The following CACNB2 variants were observed in gnomAD, a reference collection of about 807,000 sequenced individuals.
CACNB2 encodes the protein calcium voltage-gated channel auxiliary subunit beta 2, also known as voltage-dependent L-type calcium channel subunit beta-2.
Under a neutral mutation model 73.3 loss-of-function variants are expected in CACNB2, and 42 were observed. That is an observed-to-expected ratio of 0.57 (90% confidence interval 0.45 to 0.74). CACNB2 has a LOEUF of 0.74. CACNB2 is among the 30% of genes least tolerant of loss of function. The pLI, the probability that CACNB2 is intolerant of heterozygous loss-of-function variation, is 0.00. For missense variants in CACNB2, 940 were observed against 853.0 expected (o/e 1.10, Z -1.27); for synonymous variants, 348 against 310.3 (o/e 1.12, Z -1.28).
At chr10:18,534,423 T>C (rs562406233) in intron 11 of CACNB2, among the ~76,000 whole-genome samples, 196 bp downstream of exon 11, 76 of 152,340 alleles carry the variant, frequency 5.0e-4, no homozygotes, top group African/African-American at 1.8e-3. Flanking sequence ...GGTCCATGGA[T>C]CCCTGGAGAG....
chr10:18,196,897 G>A (rs754434738), intron 2 of CACNB2, among the ~76,000 whole-genome samples: 13 of 152,140 alleles, frequency 8.5e-5, no homozygotes, highest in Non-Finnish European at 1.0e-4. Context: ...ATTTTTCAGT[G>A]TCTTTTGATC....
chr10:18,536,020 C>T (rs2053537592), intron 11 of CACNB2, 81 bp from the exon 12 acceptor site: 2 of 815,364 alleles, frequency 2.5e-6, no homozygotes, highest in East Asian at 2.6e-5. Context: ...AAAAAGGCCC[C>T]AGAGAAAGGA....
intron 2 of CACNB2, among the ~76,000 whole-genome samples, chr10:18,296,482 G>A (rs895094977): frequency 3.3e-5 from 5 of 152,034 alleles, no homozygotes; most frequent in African/African-American, 1.2e-4. Context: ...AAATTAATAA[G>A]CATATAGATA....
At chr10:18,298,293 C>T (rs575428090) in intron 2 of CACNB2, among the ~76,000 whole-genome samples, 6 of 151,572 alleles carry the variant, frequency 4.0e-5, no homozygotes, top group Non-Finnish European at 5.9e-5. Context: ...CACCTGAATC[C>T]GGTGGGGCGG....
intron 3 of CACNB2, among the ~76,000 whole-genome samples, chr10:18,471,626 G>A (rs990840385): frequency 6.6e-6 from 1 of 152,114 alleles, no homozygotes; most frequent in Non-Finnish European, 1.5e-5. Context: ...AAATTATGGG[G>A]CAGTGGAGTT....
At chr10:18,531,255 T>TTTTG (rs1206163720) in intron 10 of CACNB2, among the ~76,000 whole-genome samples, 1 of 151,904 alleles carries the variant, frequency 6.6e-6, no homozygotes, top group East Asian at 1.9e-4. Context: ...AACTTCTGTT[T>TTTTG]TTTGTTTTTT....
At chr10:18,475,580 C>T (rs1255314920) in intron 3 of CACNB2, among the ~76,000 whole-genome samples, 1 of 152,142 alleles carries the variant, frequency 6.6e-6, no homozygotes, top group African/African-American at 2.4e-5. Flanking sequence ...AGATATGGCT[C>T]CACTTATTGA....
At chr10:18,318,986 T>C (rs924203167) in intron 2 of CACNB2, among the ~76,000 whole-genome samples, 1 of 152,226 alleles carries the variant, frequency 6.6e-6, no homozygotes, top group African/African-American at 2.4e-5. Flanking sequence ...GGAATGCTTT[T>C]ACACTGTTGG....
At chr10:18,155,863 TGA>T (rs143351854) in intron 2 of CACNB2, among the ~76,000 whole-genome samples, 25,175 of 139,776 alleles carry the variant, frequency 0.18, 2,164 homozygotes, top group African/African-American at 0.2. Flanking sequence ...AGAGAGAGAA[TGA>T]GAGAGAGAGG....
intron 3 of CACNB2, among the ~76,000 whole-genome samples, chr10:18,450,458 G>A (rs2046962557): frequency 6.6e-6 from 1 of 152,034 alleles, no homozygotes; most frequent in Non-Finnish European, 1.5e-5. Context: ...TGTGATGGGG[G>A]AGCTCACACG....
chr10:18,250,104 G>A (rs552548055), intron 2 of CACNB2, among the ~76,000 whole-genome samples: 48 of 152,040 alleles, frequency 3.2e-4, no homozygotes, highest in African/African-American at 9.4e-4. Flanking sequence ...AGGTGTCCTC[G>A]CACGAACACT....
intron 2 of CACNB2, among the ~76,000 whole-genome samples, chr10:18,289,281 C>CTTTTTTTTT (rs1564407541): frequency 1.0e-5 from 1 of 96,938 alleles, no homozygotes; most frequent in African/African-American, 5.6e-5. Flanking sequence ...ATTTTTTTTT[C>CTTTTTTTTT]TTGTTTTTTT....
rs899801697 is a variant in CACNB2 at position 18,140,554 on chromosome 10, C to T, written c.-183C>T. 1.0e-5 allele frequency: 4 copies of T among 397,626 alleles called. No individual in the cohort carries two copies. Among genetic ancestry groups the T allele is most frequent in the African/African-American group, 4.2e-5 (2 of 47,098 alleles). The allele number at this position is 397,626 out of a possible 1,614,324, so 24.6% of individuals were successfully genotyped here. ...CGCCCGATGCCCCGGCCCCGTCCCG[C>T]GCACTGAGCGCCTGGCAGCAGGGCG... On this transcript the variant is annotated 5_prime_UTR_variant, in exon 1 of 14. Transcript: ENST00000324631.
intron 3 of CACNB2, among the ~76,000 whole-genome samples, chr10:18,480,549 C>T (rs1316706185): frequency 6.6e-6 from 1 of 152,180 alleles, no homozygotes; most frequent in African/African-American, 2.4e-5. Flanking sequence ...TTCCCACTGC[C>T]AAGAAAGTAT....
In CACNB2 at chr10:18,218,375, T is replaced by G. The variant is rs999783266; in HGVS notation, c.213+67400T>G. 2.0e-5 allele frequency among the ~76,000 whole-genome samples: 3 copies of G among 152,188 alleles called. No individual in the cohort carries two copies. In the East Asian group the frequency reaches 5.8e-4, roughly 29 times the overall value. The stretch of plus-strand genomic sequence containing the variant: ...CATCACTGAATTCCATACAATTTAT[T>G]TGACATAGTAAGAGTATAGATTGTT... On this transcript the variant is annotated intron_variant, in intron 2 of 13. Coordinates refer to ENST00000324631, the MANE Select transcript of CACNB2 (RefSeq NM_201596.3).
chr10:18,527,531 A>G (rs2052599726), intron 9 of CACNB2, 57 bp from the exon 10 acceptor site: 2 of 1,083,468 alleles, frequency 1.8e-6, no homozygotes, highest in Admixed American at 1.7e-5. Context: ...ATACACTTCT[A>G]TCCCCTTTGA....
At chr10:18,403,788 G>A (rs558215022) in intron 3 of CACNB2, among the ~76,000 whole-genome samples, 20 of 151,684 alleles carry the variant, frequency 1.3e-4, no homozygotes, top group Admixed American at 1.2e-3. Flanking sequence ...TTAAAACAAA[G>A]GCAAAATAAT....
At position 18,171,260 on chromosome 10, in the gene CACNB2, A is replaced by G. The variant is rs946779165; in HGVS notation, c.213+20285A>G. On this transcript the variant is annotated intron_variant, in intron 2 of 13. Transcript: ENST00000324631. ...CAAGAAATGTAGGGTTATTCTTTGG[A>G]AAGGGGATTGTGATAAGTTAGGATA... 2.6e-5 allele frequency among the ~76,000 whole-genome samples: 4 copies of G among 152,140 alleles called. No homozygotes were observed. In the South Asian group the frequency reaches 8.3e-4, roughly 31 times the overall value.
At chr10:18,154,360 A>T (rs1024322190) in intron 2 of CACNB2, among the ~76,000 whole-genome samples, 1 of 151,946 alleles carries the variant, frequency 6.6e-6, no homozygotes, top group Non-Finnish European at 1.5e-5. Flanking sequence ...CTCCTATCCA[A>T]CCCTCAAATT....
Sources: allele counts gnomAD v4.1 joint callset (sites outside exome capture counted in the v4.1 genomes callset), GRCh38; gene constraint gnomAD v4.1.1; transcripts MANE v1.5; gene names NCBI Gene and HGNC (gene_info 2026-07-23, HGNC 2026-07-21).